FBXL14: variants seen among roughly 807,000 people sequenced by gnomAD.
FBXL14 encodes the protein F-box and leucine rich repeat protein 14.
In FBXL14, 11 loss-of-function variants were observed where a neutral mutation model predicts 24.5. The observed-to-expected ratio is 0.45, with a 90% confidence interval of 0.28 to 0.74. FBXL14 has a LOEUF of 0.74. Ranked by LOEUF, FBXL14 falls within the 30% of genes least tolerant of loss-of-function variation. FBXL14 has a pLI of 0.12. For missense variants in FBXL14, 384 were observed against 545.6 expected (o/e 0.70, Z 2.95); for synonymous variants, 294 against 240.4 (o/e 1.22, Z -2.06).
chr12:1,584,392 T>A (rs2094472554), intron 1 of FBXL14, among the ~76,000 whole-genome samples: 1 of 152,172 alleles, frequency 6.6e-6, no homozygotes, highest in Non-Finnish European at 1.5e-5. Context: ...TGCTGCTAAA[T>A]CCTGTGTCCT....
chr12:1,572,714 G>A (rs941902095), intron 1 of FBXL14, among the ~76,000 whole-genome samples: 1 of 152,292 alleles, frequency 6.6e-6, no homozygotes, highest in South Asian at 2.1e-4. Flanking sequence ...TAACCTATTG[G>A]CAAGAAGGAG....
At chr12:1,571,249 G>C (rs758570472) in intron 1 of FBXL14, among the ~76,000 whole-genome samples, 7 of 151,760 alleles carry the variant, frequency 4.6e-5, no homozygotes, top group Admixed American at 6.6e-5. Context: ...GCTCTTGTTG[G>C]CCAGGCTGGA....
rs1358683084 is a variant in FBXL14 at position 1,593,556 on chromosome 12, G to A, written c.511C>T (p.Leu171Phe). 1 of 1,614,136 alleles carries A rather than the reference G, an allele frequency of 6.2e-7. No homozygotes were observed. Among genetic ancestry groups the A allele is most frequent in the African/African-American group, 1.3e-5 (1 of 75,072 alleles). The change falls in exon 1 of 2, where the codon CTC becomes TTC. Residue 171 changes from leucine (L) to phenylalanine (F), a missense_variant. Leu to Phe is a conservative substitution (Grantham distance 22). Transcript: ENST00000339235. This position sits in a 1 kb window ranked among gnomAD's most constrained non-coding sequence, Gnocchi z 7.4. ...CAGCTGCGGAGGTTAAGGCTCTTGA[G>A]GCGCTGCAGACCCCAGGCGATGAGC... ...LLLIAWGLQR[L>F]KSLNLRSCRH...
chr12:1,583,019 T>A (rs993778823), intron 1 of FBXL14, among the ~76,000 whole-genome samples: 2 of 152,224 alleles, frequency 1.3e-5, no homozygotes, highest in African/African-American at 4.8e-5. Context: ...CAAGCAACTT[T>A]ACTTCTTCGT....
intron 1 of FBXL14, among the ~76,000 whole-genome samples, chr12:1,584,756 G>A (rs184516484): frequency 1.3e-4 from 20 of 152,348 alleles, no homozygotes; most frequent in Non-Finnish European, 2.9e-5. Flanking sequence ...ATTAGGAAAG[G>A]TAGAAATTGT....
intron 1 of FBXL14, among the ~76,000 whole-genome samples, chr12:1,589,769 G>A (rs1331322238): frequency 2.0e-5 from 3 of 152,100 alleles, no homozygotes; most frequent in African/African-American, 4.8e-5. Flanking sequence ...GAGAAGCTCC[G>A]GCTATATACT....
At chr12:1,571,582 C>G (rs1411621731) in intron 1 of FBXL14, among the ~76,000 whole-genome samples, 2 of 152,148 alleles carry the variant, frequency 1.3e-5, no homozygotes, top group Non-Finnish European at 2.9e-5. Context: ...AGAGATAGTG[C>G]TTTTGAAAAA....
intron 1 of FBXL14, among the ~76,000 whole-genome samples, chr12:1,589,179 G>A (rs1327419574): frequency 6.7e-6 from 1 of 148,832 alleles, no homozygotes. Context: ...CTTGAGCCCA[G>A]GAGTTTGAGA....
rs11061857 is a variant in FBXL14, at chr12:1,566,293, A to G, written c.*455T>C. 1 of 152,490 alleles carries G rather than the reference A, an allele frequency of 6.6e-6. No individual in the cohort carries two copies. The highest frequency in any genetic ancestry group is 1.5e-5 in the Non-Finnish European group (1 of 68,176). 9.4% of individuals were successfully genotyped at this position (152,490 alleles called of 1,614,324 possible). A position where few individuals can be genotyped will look rare whatever the true frequency, so the allele number is the denominator to read the frequency against. The stretch of plus-strand genomic sequence containing the variant: ...TTGTGTGTCCAGCTATCACTATGTA[A>G]TGATATTTTACGTTCTCAGTAATAC... On this transcript the variant is annotated 3_prime_UTR_variant, in exon 2 of 2. Coordinates refer to ENST00000339235, the MANE Select transcript of FBXL14 (RefSeq NM_152441.3).
intron 1 of FBXL14, among the ~76,000 whole-genome samples, chr12:1,570,716 G>A (rs915027169): frequency 6.6e-6 from 1 of 152,112 alleles, no homozygotes. Context: ...CAAGTGTCTC[G>A]ATCACTTTTG....
At chr12:1,577,539 C>T (rs574120136) in intron 1 of FBXL14, among the ~76,000 whole-genome samples, 29 of 152,354 alleles carry the variant, frequency 1.9e-4, no homozygotes, top group Non-Finnish European at 1.8e-4. Flanking sequence ...CAGTCAAATA[C>T]AGTGATGGTC....
chr12:1,593,946 G>A lies in FBXL14; in HGVS notation c.121C>T (p.His41Tyr), dbSNP rs1419682979. The change falls in exon 1 of 2, where the codon CAC becomes TAC. Residue 41 changes from histidine (H) to tyrosine (Y), a missense_variant. His to Tyr is a moderately conservative substitution (Grantham distance 83). Transcript: ENST00000339235. This position sits in a 1 kb window ranked among gnomAD's most constrained non-coding sequence, Gnocchi z 7.4. ...VCTAWRDAAY[H>Y]KSVWRGVEAK... ...TCCACCCCCCGCCACACCGACTTGT[G>A]GTAGGCGGCGTCCCGCCAGGCGGTG... is the stretch of plus-strand genomic sequence containing the variant. 3.8e-6 allele frequency: 6 copies of A among 1,591,778 alleles called. No homozygotes were observed. The East Asian group carries it at 1.1e-4, about 30-fold the overall frequency.
intron 1 of FBXL14, among the ~76,000 whole-genome samples, chr12:1,577,189 C>A (rs368776788): frequency 1.3e-5 from 2 of 152,298 alleles, no homozygotes; most frequent in East Asian, 3.9e-4. Flanking sequence ...CCTCTGGGGG[C>A]CTGCCCTGTG....
Position 1,579,856 on chromosome 12 carries a change from C to T in FBXL14, c.1194+13017G>A, listed in dbSNP as rs1441269072. Among the ~76,000 whole-genome samples, 2 of 152,036 alleles carry T rather than the reference C, an allele frequency of 1.3e-5. No individual in the cohort carries two copies. Among genetic ancestry groups the T allele is most frequent in the Non-Finnish European group, 2.9e-5 (2 of 68,018 alleles). On this transcript the variant is annotated intron_variant, in intron 1 of 1. Transcript: ENST00000339235. This position sits in a 1 kb window ranked among gnomAD's most constrained non-coding sequence, Gnocchi z 4.3. ...GCTGGGATTAGAATGAGCAGTCTCT[C>T]GATGCTGAAATGGAATGATGAGAAC...
In FBXL14 at chr12:1,592,024, T is replaced by G. The variant is rs1592489025; in HGVS notation, c.1194+849A>C. 1.3e-5 allele frequency among the ~76,000 whole-genome samples: 2 copies of G among 152,034 alleles called. 1 individual carries two copies. The highest frequency in any genetic ancestry group is 4.2e-4 in the South Asian group (2 of 4,818). On this transcript the variant is annotated intron_variant, in intron 1 of 1. Transcript: ENST00000339235. ...GCCAGAATGTGGAAGTGGGGCACAC[T>G]GGACGGATGGAGGCTGGGAAGAAGC...
chr12:1,574,912 A>ATTTT (rs879791511), intron 1 of FBXL14: 10,948 of 149,900 alleles, frequency 0.073, 499 homozygotes, highest in Middle Eastern at 0.13. Flanking sequence ...CTTTTTTTAA[A>ATTTT]AAAAAAAATT....
At chr12:1,573,705 C>T (rs1227897223) in intron 1 of FBXL14, among the ~76,000 whole-genome samples, 1 of 152,120 alleles carries the variant, frequency 6.6e-6, no homozygotes, top group Non-Finnish European at 1.5e-5. Context: ...TACATAAGTG[C>T]ACAGAAGAGT....
chr12:1,573,738 C>T (rs2094449602), intron 1 of FBXL14, among the ~76,000 whole-genome samples: 1 of 152,252 alleles, frequency 6.6e-6, no homozygotes, highest in South Asian at 2.1e-4. Flanking sequence ...GGCCTGGTGG[C>T]TCACACCTGT....
intron 1 of FBXL14, among the ~76,000 whole-genome samples, chr12:1,580,592 C>T (rs912422376): frequency 1.3e-5 from 2 of 152,064 alleles, no homozygotes; most frequent in African/African-American, 2.4e-5. Context: ...AAAATAATTG[C>T]GGACCCAAAC....
Sources: gnomAD v4.1 joint callset for allele counts (sites outside exome capture counted in the v4.1 genomes callset) on GRCh38, gnomAD v4.1.1 for gene constraint, Gnocchi (gnomAD v3.1) non-coding constraint, MANE v1.5 for transcripts, NCBI Gene and HGNC (gene_info 2026-07-23, HGNC 2026-07-21) for gene names.